Variants in TCF7L2 observed in about 807,000 individuals in gnomAD.
The protein encoded by TCF7L2 is transcription factor 7-like 2.
A neutral mutation model predicts 77.9 loss-of-function variants in TCF7L2; 23 were observed. The ratio of observed to expected loss-of-function variants is 0.30; its 90% confidence interval spans 0.21 to 0.42. The LOEUF (loss-of-function observed/expected upper bound fraction) is 0.42, where lower values mean the gene tolerates loss of function less well. Ranked by LOEUF, TCF7L2 falls within the 10% of genes least tolerant of loss-of-function variation. The pLI, the probability that TCF7L2 is intolerant of heterozygous loss-of-function variation, is 1.00. For synonymous variants in TCF7L2, 413 were observed against 340.2 expected (o/e 1.21, Z -2.36); for missense variants, 654 against 793.1 (o/e 0.82, Z 2.11).
At chr10:113,118,520 G>GTGTGTTTGT (rs1555084612) in intron 5 of TCF7L2, among the ~76,000 whole-genome samples, 1 of 141,442 alleles carries the variant, frequency 7.1e-6, no homozygotes, top group Non-Finnish European at 1.5e-5. Context: ...TCATCTGGGG[G>GTGTGTTTGT]GTGTGTGTGT....
chr10:113,074,851 GTCA>G (rs1397127662), intron 5 of TCF7L2, among the ~76,000 whole-genome samples: 6 of 152,246 alleles, frequency 3.9e-5, no homozygotes, highest in Admixed American at 2.0e-4. Flanking sequence ...GGGTACTTCT[GTCA>G]TCATCTCATG....
At chr10:113,007,566 G>A (rs2045782623) in intron 4 of TCF7L2, among the ~76,000 whole-genome samples, 1 of 152,234 alleles carries the variant, frequency 6.6e-6, no homozygotes, top group Non-Finnish European at 1.5e-5. Flanking sequence ...AGGTTGTGCT[G>A]CGTTGTGGCA....
intron 4 of TCF7L2, among the ~76,000 whole-genome samples, chr10:112,976,894 T>G (rs76312914): frequency 2.0e-5 from 3 of 152,150 alleles, no homozygotes; most frequent in Non-Finnish European, 4.4e-5. Context: ...GTAACTATGG[T>G]TGGACTGGTG....
chr10:112,982,217 T>G (rs1254377903), intron 4 of TCF7L2, among the ~76,000 whole-genome samples: 4 of 152,146 alleles, frequency 2.6e-5, no homozygotes, highest in Non-Finnish European at 5.9e-5. Flanking sequence ...GTATTTAATT[T>G]CCACCACTTT....
At chr10:112,971,156 C>G (rs2038156718) in intron 4 of TCF7L2, among the ~76,000 whole-genome samples, 1 of 152,056 alleles carries the variant, frequency 6.6e-6, no homozygotes, top group Non-Finnish European at 1.5e-5. Context: ...GACAAAAATC[C>G]CTTGCTCTCA....
chr10:113,105,738 T>C (rs11592900), intron 5 of TCF7L2, among the ~76,000 whole-genome samples: 36,648 of 152,038 alleles, frequency 0.24, 4,842 homozygotes, highest in Non-Finnish European at 0.29. Context: ...CCCGTCCAGG[T>C]TCCAGGCAGA....
intron 5 of TCF7L2, 79 bp downstream of exon 5, chr10:113,040,205 T>G: frequency 2.5e-6 from 3 of 1,217,290 alleles, no homozygotes; most frequent in Non-Finnish European, 3.5e-6. Context: ...ATAACAGGCC[T>G]TATTTGTCAT....
chr10:112,973,630 C>A (rs562434452), intron 4 of TCF7L2, among the ~76,000 whole-genome samples: 2 of 152,106 alleles, frequency 1.3e-5, no homozygotes, highest in South Asian at 4.1e-4. Context: ...CACTCTGTTA[C>A]CCAGGCTGGA....
At chr10:113,126,172 C>A (rs189098426) in intron 5 of TCF7L2, 14 of 150,862 alleles carry the variant, frequency 9.3e-5, no homozygotes, top group African/African-American at 3.4e-4. Context: ...AATTCTTTTA[C>A]ATATGGGTGT....
chr10:113,060,967 G>A (rs577903538), intron 5 of TCF7L2, among the ~76,000 whole-genome samples: 80 of 152,236 alleles, frequency 5.3e-4, no homozygotes, highest in African/African-American at 1.7e-3. Flanking sequence ...TATCTGGGAG[G>A]CCTGAGGACT....
At chr10:113,026,402 G>A (rs1052019860) in intron 4 of TCF7L2, among the ~76,000 whole-genome samples, 4 of 148,718 alleles carry the variant, frequency 2.7e-5, no homozygotes, top group Non-Finnish European at 4.5e-5. Flanking sequence ...CTCATGATCT[G>A]CCTGCCTCGG....
At chr10:113,076,020 C>G (rs901738988) in intron 5 of TCF7L2, among the ~76,000 whole-genome samples, 1 of 151,032 alleles carries the variant, frequency 6.6e-6, no homozygotes, top group Non-Finnish European at 1.5e-5. Flanking sequence ...CCTGTAATCC[C>G]AGCTACTGGG....
At chr10:113,086,245 T>C (rs894830404) in intron 5 of TCF7L2, among the ~76,000 whole-genome samples, 9 of 152,226 alleles carry the variant, frequency 5.9e-5, no homozygotes, top group African/African-American at 2.2e-4. Flanking sequence ...TGAGGACTGC[T>C]TGAGTCTAAA....
intron 5 of TCF7L2, among the ~76,000 whole-genome samples, chr10:113,119,107 G>A (rs1263638717): frequency 6.6e-6 from 1 of 152,178 alleles, no homozygotes; most frequent in African/African-American, 2.4e-5. Flanking sequence ...GATTGACTTC[G>A]TTGACAGAAT....
intron 4 of TCF7L2, among the ~76,000 whole-genome samples, chr10:112,973,854 TAC>T (rs1379327988): frequency 8.5e-5 from 13 of 152,318 alleles, no homozygotes; most frequent in Admixed American, 4.6e-4. Flanking sequence ...CCTCCCAAAG[TAC>T]TGGGATTATA....
At chr10:113,071,909 G>A (rs925859788) in intron 5 of TCF7L2, among the ~76,000 whole-genome samples, 17 of 152,374 alleles carry the variant, frequency 1.1e-4, no homozygotes, top group Middle Eastern at 3.4e-3. Flanking sequence ...GGATGCTGGA[G>A]TAAGTGGAAT....
chr10:112,984,583 CA>C (rs1358582719), intron 4 of TCF7L2, among the ~76,000 whole-genome samples: 1 of 151,806 alleles, frequency 6.6e-6, no homozygotes, highest in African/African-American at 2.4e-5. Flanking sequence ...AAATTAATAC[CA>C]ACAATAAAAC....
rs984241123 is a variant in TCF7L2, at chr10:112,993,052, C to T, written c.450+28428C>T. On this transcript the variant is annotated intron_variant, in intron 4 of 13. Coordinates refer to ENST00000627217, the MANE Select transcript of TCF7L2 (RefSeq NM_001146274.2). Reference sequence around the variant, plus strand: ...TGCTGGGATCACAGGCGTGAGCCACCGCACCCGGCCACTGTCTTGTATTTC... The same window carrying T: ...TGCTGGGATCACAGGCGTGAGCCACTGCACCCGGCCACTGTCTTGTATTTC... 4.3e-4 allele frequency among the ~76,000 whole-genome samples: 66 copies of T among 152,200 alleles called. 1 individual carries two copies. The highest frequency in any genetic ancestry group is 1.6e-3 in the East Asian group (8 of 5,134).
intron 4 of TCF7L2, among the ~76,000 whole-genome samples, chr10:113,025,577 C>T (rs994432341): frequency 6.6e-6 from 1 of 152,004 alleles, no homozygotes; most frequent in Non-Finnish European, 1.5e-5. Context: ...GACAGGGTTT[C>T]GCTATGTTGC....
Sources: gnomAD v4.1 joint callset for allele counts (sites outside exome capture counted in the v4.1 genomes callset) on GRCh38, gnomAD v4.1.1 for gene constraint, MANE v1.5 for transcripts, NCBI Gene and HGNC (gene_info 2026-07-23, HGNC 2026-07-21) for gene names.